The following FSTL4 variants were observed in gnomAD, a reference collection of about 807,000 sequenced individuals.
FSTL4 encodes follistatin like 4.
Under a neutral mutation model 78.2 loss-of-function variants are expected in FSTL4, and 28 were observed. That is an observed-to-expected ratio of 0.36 (90% CI 0.27 to 0.49). The LOEUF (loss-of-function observed/expected upper bound fraction) is 0.49. Ranked by LOEUF, FSTL4 falls within the 20% of genes least tolerant of loss-of-function variation. The probability of loss-of-function intolerance (pLI) is 0.98; values close to 1 mark genes in which losing one functional copy is unlikely to be tolerated. For missense variants in FSTL4, 922 were observed against 1,084.9 expected, an observed-to-expected ratio of 0.85 and a Z score of 2.11; for synonymous variants, 422 against 440.5, an observed-to-expected ratio of 0.96 and a Z score of 0.53.
chr5:133,222,354 C>T (rs1363687128), intron 11 of FSTL4, among the ~76,000 whole-genome samples: 2 of 152,182 alleles, frequency 1.3e-5, no homozygotes, highest in Non-Finnish European at 2.9e-5. Context: ...AGCTCCACAG[C>T]ATCTCAGTGT....
chr5:133,566,964 C>T (rs990320878), intron 3 of FSTL4, among the ~76,000 whole-genome samples: 4 of 152,292 alleles, frequency 2.6e-5, no homozygotes, highest in Admixed American at 2.0e-4. Flanking sequence ...AAGTATCCCA[C>T]CTCTGGTACT....
chr5:133,810,709 TAC>T, the FSTL4 span, among the ~76,000 whole-genome samples: 1 of 152,224 alleles, frequency 6.6e-6, no homozygotes, highest in Non-Finnish European at 1.5e-5. Context: ...GTGTGACGTT[TAC>T]ATAAAATGTG....
At position 133,203,806 on chromosome 5, in the gene FSTL4, A is replaced by C. The variant is rs550510119; in HGVS notation, c.1717-1764T>G. ...AGGCTGTCATTGGTCAATGTCATTC[A>C]CGCTTCACTGCTCTGACACCCTAGA... On this transcript the variant is annotated intron_variant, in intron 14 of 15. Transcript: ENST00000265342. Among the ~76,000 whole-genome samples, 26 of 152,304 alleles carry C rather than the reference A, an allele frequency of 1.7e-4. No individual in the cohort carries two copies. In the Middle Eastern group the frequency reaches 0.01, roughly 60 times the overall value.
At chr5:133,806,693 A>AAGTGCC in the FSTL4 span, among the ~76,000 whole-genome samples, 1 of 152,176 alleles carries the variant, frequency 6.6e-6, no homozygotes, top group Non-Finnish European at 1.5e-5. Context: ...GGAGGATAGG[A>AAGTGCC]AGTGCCCCTG....
the FSTL4 span, among the ~76,000 whole-genome samples, chr5:133,779,202 C>T: frequency 9.5e-4 from 145 of 152,300 alleles, no homozygotes; most frequent in Non-Finnish European, 1.5e-3. Flanking sequence ...AGCCCATCCT[C>T]TCTGCTGGGT....
At chr5:133,743,082 GA>G in the FSTL4 span, among the ~76,000 whole-genome samples, 1 of 152,028 alleles carries the variant, frequency 6.6e-6, no homozygotes, top group South Asian at 2.1e-4. Context: ...ATATACCAGG[GA>G]AAAAAATTCC....
intron 2 of FSTL4, among the ~76,000 whole-genome samples, chr5:133,582,590 T>C (rs1381586266): frequency 6.6e-6 from 1 of 152,166 alleles, no homozygotes; most frequent in African/African-American, 2.4e-5. Context: ...AGGCAACAGC[T>C]GGGAGACACA....
chr5:133,832,162 C>T, the FSTL4 span, among the ~76,000 whole-genome samples: 4 of 152,184 alleles, frequency 2.6e-5, no homozygotes, highest in Non-Finnish European at 5.9e-5. Flanking sequence ...GTCAGCCTTG[C>T]GATTTCGCCT....
intron 2 of FSTL4, among the ~76,000 whole-genome samples, chr5:133,598,654 C>T (rs1031811516): frequency 1.3e-5 from 2 of 152,206 alleles, no homozygotes; most frequent in Non-Finnish European, 2.9e-5. Flanking sequence ...CCCACATCAA[C>T]CAGCACCGCA....
intron 6 of FSTL4, among the ~76,000 whole-genome samples, chr5:133,290,650 C>T (rs558132905): frequency 1.1e-4 from 17 of 152,306 alleles, no homozygotes; most frequent in African/African-American, 4.1e-4. Context: ...TGAGGTAAAG[C>T]AGGAACCACA....
the FSTL4 span, among the ~76,000 whole-genome samples, chr5:133,654,104 G>A: frequency 4.6e-5 from 7 of 152,176 alleles, no homozygotes; most frequent in African/African-American, 1.4e-4. Flanking sequence ...AGGCTTATTT[G>A]AAGCAATTCC....
At chr5:133,456,371 T>A (rs1224999082) in intron 3 of FSTL4, among the ~76,000 whole-genome samples, 2 of 152,252 alleles carry the variant, frequency 1.3e-5, no homozygotes, top group African/African-American at 2.4e-5. Context: ...TGGCTTCTAC[T>A]TTTTGCTTTA....
the FSTL4 span, among the ~76,000 whole-genome samples, chr5:133,769,906 C>T: frequency 6.6e-6 from 1 of 152,158 alleles, no homozygotes. Flanking sequence ...CTCTATACAT[C>T]CATGGGTACC....
chr5:133,271,873 G>A (rs1285525369), intron 6 of FSTL4, among the ~76,000 whole-genome samples: 4 of 152,188 alleles, frequency 2.6e-5, no homozygotes, highest in Admixed American at 6.5e-5. Flanking sequence ...CACGGTGCTG[G>A]GTGGCATGGC....
intron 3 of FSTL4, among the ~76,000 whole-genome samples, chr5:133,416,636 G>A (rs905018626): frequency 3.3e-5 from 5 of 152,206 alleles, no homozygotes; most frequent in Admixed American, 2.6e-4. Flanking sequence ...TACCAGTGGT[G>A]TCACCAGTTG....
the FSTL4 span, among the ~76,000 whole-genome samples, chr5:133,645,448 C>T: frequency 4.6e-5 from 7 of 152,104 alleles, no homozygotes; most frequent in Non-Finnish European, 1.0e-4. Flanking sequence ...GTAAGGGCCT[C>T]TGAGGAAAGC....
At chr5:133,511,015 C>T (rs1758721251) in intron 3 of FSTL4, among the ~76,000 whole-genome samples, 1 of 152,186 alleles carries the variant, frequency 6.6e-6, no homozygotes, top group Non-Finnish European at 1.5e-5. Context: ...CTTGCTTGGT[C>T]ATCTCTCACC....
chr5:133,206,579 CTTGAACTCCTG>C (rs1267577345), intron 14 of FSTL4, among the ~76,000 whole-genome samples: 1 of 152,176 alleles, frequency 6.6e-6, no homozygotes, highest in Non-Finnish European at 1.5e-5. Context: ...CCAGGATGGT[CTTGAACTCCTG>C]ACCTCAGGTG....
chr5:133,312,476 A>G (rs1312402320), intron 6 of FSTL4, 178 bp downstream of exon 6: 3 of 617,752 alleles, frequency 4.9e-6, no homozygotes, highest in Admixed American at 2.9e-5. Context: ...GGCCCCATCC[A>G]CTCTCCGTTT....
Sources: gnomAD v4.1 joint callset for allele counts (sites outside exome capture counted in the v4.1 genomes callset) on GRCh38, gnomAD v4.1.1 for gene constraint, MANE v1.5 for transcripts, NCBI Gene and HGNC (gene_info 2026-07-23, HGNC 2026-07-21) for gene names.